The following BCAS3 variants were observed in gnomAD, a reference collection of about 807,000 sequenced individuals.
BCAS3 encodes BCAS4/BCAS3 fusion.
BCAS3 carries 53 observed loss-of-function variants against 116.1 expected under a neutral mutation model. The ratio of observed to expected loss-of-function variants is 0.46; its 90% CI spans 0.37 to 0.57. The LOEUF is 0.57. Among genes scored for constraint, BCAS3 ranks in the 20% least tolerant of loss-of-function variants. The pLI is 0.00. For missense variants in BCAS3, 917 were observed against 1,165.4 expected (o/e 0.79, Z 3.10); for synonymous variants, 391 against 408.2 (o/e 0.96, Z 0.51).
At chr17:60,882,813 G>A (rs1376310434) in intron 9 of BCAS3, among the ~76,000 whole-genome samples, 1 of 144,962 alleles carries the variant, frequency 6.9e-6, no homozygotes, top group Non-Finnish European at 1.5e-5. Flanking sequence ...CTCTGTTTTG[G>A]TACCAGTACC....
At chr17:60,976,020 C>CTTTTTTTTTATTTTTTTTTTTTTTT (rs2062328600) in intron 14 of BCAS3, among the ~76,000 whole-genome samples, 1 of 98,286 alleles carries the variant, frequency 1.0e-5, no homozygotes, top group African/African-American at 4.2e-5. Context: ...TAGATTTTTG[C>CTTTTTTTTTATTTTTTTTTTTTTTT]TTTTTTTTTT....
chr17:60,902,548 A>G lies in BCAS3; in HGVS notation c.739-72A>G, dbSNP rs770616144. On this transcript the variant is annotated intron_variant, in intron 10 of 23. Coordinates refer to ENST00000407086, the MANE Select transcript of BCAS3 (RefSeq NM_017679.5). ...TCACTGTTCACGGAAAATAAGCTCT[A>G]TCCTGATAGCCTGTAGAGTTAAACA... 3.5e-4 allele frequency: 437 copies of G among 1,264,742 alleles called. 1 individual carries two copies. The highest frequency in any genetic ancestry group is 4.5e-4 in the Non-Finnish European group (391 of 870,898). 78.3% of individuals were successfully genotyped at this position (1,264,742 alleles called of 1,614,324 possible). A position where few individuals can be genotyped will look rare whatever the true frequency, so the allele number is the denominator to read the frequency against.
At chr17:61,160,223 G>A (rs1351437377) in intron 22 of BCAS3, among the ~76,000 whole-genome samples, 1 of 149,720 alleles carries the variant, frequency 6.7e-6, no homozygotes, top group Non-Finnish European at 1.5e-5. Flanking sequence ...ATGGTGACCT[G>A]ACTTCCTAAC....
Position 61,282,345 on chromosome 17 carries a change from G to T in BCAS3, c.2426-85982G>T, listed in dbSNP as rs1238562185. 3.9e-5 allele frequency among the ~76,000 whole-genome samples: 6 copies of T among 152,214 alleles called. No homozygotes were observed. Among genetic ancestry groups the T allele is most frequent in the Non-Finnish European group, 1.5e-5 (1 of 68,042 alleles). ...CCTGAGCCTTGGTTGGGAGCTGAAT[G>T]AGAAGGGGCAATTGGGCCTCTGGTG... On this transcript the variant is annotated intron_variant, in intron 22 of 23. Coordinates refer to ENST00000407086, the MANE Select transcript of BCAS3 (RefSeq NM_017679.5). The surrounding 1 kb of genome is among the most constrained non-coding windows in gnomAD (Gnocchi z 5.9).
In BCAS3 at chr17:61,350,863, A is replaced by G. The variant is rs1029120323; in HGVS notation, c.2426-17464A>G. ...TGCTAAGGCTGGTCTTGAACTCCCAAGCTCAGATGCTTCCCCTGCCTCAGC... is the reference window on the plus strand; with the variant it reads ...TGCTAAGGCTGGTCTTGAACTCCCAGGCTCAGATGCTTCCCCTGCCTCAGC... On this transcript the variant is annotated intron_variant, in intron 22 of 23. Coordinates refer to ENST00000407086, the MANE Select transcript of BCAS3 (RefSeq NM_017679.5). 2.6e-5 allele frequency among the ~76,000 whole-genome samples: 4 copies of G among 152,068 alleles called. No homozygotes were observed. In the South Asian group the frequency reaches 8.3e-4, roughly 32 times the overall value.
intron 22 of BCAS3, among the ~76,000 whole-genome samples, chr17:61,207,361 C>A (rs1832403715): frequency 6.6e-6 from 1 of 152,012 alleles, no homozygotes; most frequent in Non-Finnish European, 1.5e-5. Context: ...TTCATTTAAT[C>A]TTCATTATAA....
chr17:60,710,711 G>A (rs573416682), intron 5 of BCAS3, among the ~76,000 whole-genome samples: 9 of 151,872 alleles, frequency 5.9e-5, no homozygotes, highest in Non-Finnish European at 1.0e-4. Flanking sequence ...GATTACAGGT[G>A]TGAGCCACCA....
In BCAS3 at chr17:61,145,655, C is replaced by T. The variant is rs1273262521; in HGVS notation, c.2425+61091C>T. Among the ~76,000 whole-genome samples, 1 of 152,114 alleles carries T rather than the reference C, an allele frequency of 6.6e-6. No individual in the cohort carries two copies. The highest frequency in any genetic ancestry group is 1.5e-5 in the Non-Finnish European group (1 of 68,020). ...CTTTAAAAAATTATTCTTAAATGTT[C>T]AGCACAAATATCCCTCCCCTTTTTA... On this transcript the variant is annotated intron_variant, in intron 22 of 23. Coordinates refer to ENST00000407086, the MANE Select transcript of BCAS3 (RefSeq NM_017679.5). The surrounding 1 kb of genome is among the most constrained non-coding windows in gnomAD (Gnocchi z 5.0).
At chr17:60,985,824 C>T (rs1318073526) in intron 14 of BCAS3, among the ~76,000 whole-genome samples, 1 of 152,234 alleles carries the variant, frequency 6.6e-6, no homozygotes, top group Non-Finnish European at 1.5e-5. Context: ...GCAACCTCCA[C>T]CTCCTGGGTT....
At chr17:60,887,144 G>T (rs113329580) in intron 9 of BCAS3, 3 of 152,054 alleles carry the variant, frequency 2.0e-5, no homozygotes, top group African/African-American at 7.3e-5. Context: ...ATATAGTCTC[G>T]TGGTGCGCCG....
intron 22 of BCAS3, among the ~76,000 whole-genome samples, chr17:61,292,231 A>G (rs890795127): frequency 3.3e-5 from 5 of 151,748 alleles, no homozygotes; most frequent in Non-Finnish European, 7.4e-5. Context: ...ATGAGTTCCA[A>G]CCCCACCCCA....
intron 9 of BCAS3, among the ~76,000 whole-genome samples, chr17:60,880,884 C>A (rs965395363): frequency 6.6e-6 from 1 of 152,110 alleles, no homozygotes; most frequent in Non-Finnish European, 1.5e-5. Flanking sequence ...CTAGATATGT[C>A]ACTTATCAGA....
intron 8 of BCAS3, among the ~76,000 whole-genome samples, chr17:60,869,871 G>A (rs1173736622): frequency 6.6e-6 from 1 of 152,094 alleles, no homozygotes. Context: ...GTACAGAGAA[G>A]ATTTTTAGAC....
intron 22 of BCAS3, among the ~76,000 whole-genome samples, chr17:61,289,802 A>G (rs891459682): frequency 5.3e-5 from 8 of 152,250 alleles, no homozygotes; most frequent in African/African-American, 1.9e-4. Context: ...GCTATGTTAC[A>G]TTACAGAGAC....
At chr17:61,052,960 G>T (rs923385995) in intron 19 of BCAS3, among the ~76,000 whole-genome samples, 46 of 151,802 alleles carry the variant, frequency 3.0e-4, no homozygotes, top group Non-Finnish European at 5.9e-5. Context: ...CAAGCGATCT[G>T]CCCGCCTCGG....
chr17:61,372,379 C>G (rs2059094225), intron 23 of BCAS3, among the ~76,000 whole-genome samples: 1 of 152,232 alleles, frequency 6.6e-6, no homozygotes, highest in South Asian at 2.1e-4. Flanking sequence ...CTGGTCTCTT[C>G]TCTCTCAGTA....
chr17:61,143,247 A>G (rs1163333841), intron 22 of BCAS3, among the ~76,000 whole-genome samples: 1 of 152,244 alleles, frequency 6.6e-6, no homozygotes, highest in Non-Finnish European at 1.5e-5. Flanking sequence ...CTGTTCAGCC[A>G]GACTGTTATT....
chr17:61,133,313 AG>A (rs1399397299), intron 22 of BCAS3, among the ~76,000 whole-genome samples: 1 of 152,194 alleles, frequency 6.6e-6, no homozygotes, highest in Non-Finnish European at 1.5e-5. Flanking sequence ...GTTTCTATTG[AG>A]GTTGGGTCCA....
chr17:60,979,823 GCCT>G, intron 14 of BCAS3, among the ~76,000 whole-genome samples: 1 of 152,244 alleles, frequency 6.6e-6, no homozygotes, highest in East Asian at 1.9e-4. Context: ...TGTTGAACCA[GCCT>G]TGCATCCCAG....
Sources: allele counts gnomAD v4.1 joint callset (sites outside exome capture counted in the v4.1 genomes callset), GRCh38; gene constraint gnomAD v4.1.1; non-coding constraint Gnocchi (gnomAD v3.1); transcripts MANE v1.5; gene names NCBI Gene and HGNC (gene_info 2026-07-23, HGNC 2026-07-21).